The following LEMD3 variants were observed in gnomAD, a reference collection of about 807,000 sequenced individuals.
LEMD3 encodes the protein inner nuclear membrane protein Man1.
Under a neutral mutation model 95.2 loss-of-function variants are expected in LEMD3, and 33 were observed. The observed-to-expected ratio is 0.35, with a 90% CI of 0.26 to 0.46. The LOEUF is 0.46. Among genes scored for constraint, LEMD3 ranks in the 20% least tolerant of loss-of-function variants. The pLI, the probability that LEMD3 is intolerant of heterozygous loss-of-function variation, is 1.00. For missense variants in LEMD3, 1,210 were observed against 1,192.8 expected (o/e 1.01, Z -0.21); for synonymous variants, 525 against 474.6 (o/e 1.11, Z -1.38).
chr12:65,193,732 CTGTGTGTGTG>C (rs746675293), intron 1 of LEMD3, among the ~76,000 whole-genome samples: 102 of 129,432 alleles, frequency 7.9e-4, no homozygotes, highest in Non-Finnish European at 9.6e-4. Flanking sequence ...ACATAACTGG[CTGTGTGTGTG>C]TGTGTGTGTG....
chr12:65,182,479 T>C (rs1374470222), intron 1 of LEMD3, among the ~76,000 whole-genome samples: 3 of 152,182 alleles, frequency 2.0e-5, no homozygotes, highest in African/African-American at 7.2e-5. Flanking sequence ...GTAATGTTAA[T>C]AAGTAATAGA....
chr12:65,174,405 C>T (rs989073920), intron 1 of LEMD3, among the ~76,000 whole-genome samples: 2 of 152,042 alleles, frequency 1.3e-5, no homozygotes, highest in Admixed American at 1.3e-4. Context: ...TCATTATAGC[C>T]CACCAAACGA....
intron 4 of LEMD3, among the ~76,000 whole-genome samples, chr12:65,231,876 C>T (rs183191694): frequency 6.6e-6 from 1 of 151,736 alleles, no homozygotes; most frequent in Admixed American, 6.6e-5. Context: ...GTGTCTTTCC[C>T]TTGAAATTAT....
At chr12:65,228,433 T>A (rs1217508164) in intron 4 of LEMD3, among the ~76,000 whole-genome samples, 4 of 151,632 alleles carry the variant, frequency 2.6e-5, no homozygotes, top group Non-Finnish European at 5.9e-5. Flanking sequence ...TCTTGCTCTG[T>A]TGCCCAGGCT....
At chr12:65,204,771 A>C (rs1319442833) in intron 1 of LEMD3, among the ~76,000 whole-genome samples, 1 of 152,060 alleles carries the variant, frequency 6.6e-6, no homozygotes, top group Non-Finnish European at 1.5e-5. Flanking sequence ...TTTTCTCCAC[A>C]CCTCGCCAGA....
intron 1 of LEMD3, among the ~76,000 whole-genome samples, chr12:65,206,380 T>C (rs1869764858): frequency 6.6e-6 from 1 of 152,130 alleles, no homozygotes; most frequent in Non-Finnish European, 1.5e-5. Context: ...CTCCTGTCTG[T>C]AGAATTGCTG....
intron 1 of LEMD3, among the ~76,000 whole-genome samples, chr12:65,200,312 C>T (rs1354714952): frequency 6.6e-6 from 1 of 152,026 alleles, no homozygotes; most frequent in African/African-American, 2.4e-5. Context: ...ATTCTGTAAC[C>T]AGTGCTCTTG....
At position 65,238,822 on chromosome 12, in the gene LEMD3, G is replaced by C; in HGVS notation, c.1921+8G>C. Reference sequence around the variant, plus strand: ...TATTGTTGTTATGCTTAGGTAAGTTGTAAAGATAAGAAATGAGATAAATTG... The same window carrying C: ...TATTGTTGTTATGCTTAGGTAAGTTCTAAAGATAAGAAATGAGATAAATTG... On this transcript the variant is annotated splice_region_variant and intron_variant, in intron 6 of 12. Transcript: ENST00000308330. 6.2e-7 allele frequency: 1 copy of C among 1,613,834 alleles called. No homozygotes were observed. The highest frequency in any genetic ancestry group is 8.5e-7 in the Non-Finnish European group (1 of 1,179,818).
chr12:65,209,108 A>G (rs923806002), intron 1 of LEMD3, among the ~76,000 whole-genome samples: 1 of 152,134 alleles, frequency 6.6e-6, no homozygotes, highest in Admixed American at 6.6e-5. Flanking sequence ...TCAAGCACTA[A>G]CTATATATCT....
chr12:65,233,212 T>G (rs537626870), intron 4 of LEMD3, among the ~76,000 whole-genome samples: 61 of 152,304 alleles, frequency 4.0e-4, no homozygotes, highest in African/African-American at 1.4e-3. Context: ...ACCAAAGTAC[T>G]TGCTCTTTTC....
intron 4 of LEMD3, among the ~76,000 whole-genome samples, chr12:65,233,504 A>G (rs1870689581): frequency 6.6e-6 from 1 of 152,182 alleles, no homozygotes; most frequent in Non-Finnish European, 1.5e-5. Context: ...TTCTTACTGA[A>G]TCAGGAGTTA....
At chr12:65,177,822 AT>A (rs1417895839) in intron 1 of LEMD3, among the ~76,000 whole-genome samples, 4 of 151,614 alleles carry the variant, frequency 2.6e-5, no homozygotes, top group Non-Finnish European at 5.9e-5. Flanking sequence ...ATTTTGAAAA[AT>A]AGCTGTTGCT....
At chr12:65,189,226 A>G (rs895237040) in intron 1 of LEMD3, among the ~76,000 whole-genome samples, 1 of 152,154 alleles carries the variant, frequency 6.6e-6, no homozygotes, top group African/African-American at 2.4e-5. Flanking sequence ...GGTAACTGAA[A>G]CTGCAGAAAG....
At chr12:65,180,472 T>C (rs1868868394) in intron 1 of LEMD3, among the ~76,000 whole-genome samples, 1 of 151,638 alleles carries the variant, frequency 6.6e-6, no homozygotes, top group Non-Finnish European at 1.5e-5. Context: ...ATGTTTAATA[T>C]CATTATTTAA....
At position 65,243,457 on chromosome 12, in the gene LEMD3, T is replaced by G; in HGVS notation, c.2375T>G (p.Phe792Cys). Residue 792 changes from phenylalanine (F) to cysteine (C), a missense_variant, in exon 10 of 13, where the codon TTT becomes TGT. Coordinates refer to ENST00000308330, the MANE Select transcript of LEMD3 (RefSeq NM_014319.5). ...LTPCLKIRNMFDPVMEIGDQW... is the reference protein window; with the variant it reads ...LTPCLKIRNMCDPVMEIGDQW... ...CCGTGTCTAAAGATTCGGAATATGT[T>G]TGATCCCGTTATGTAAGTATTATGA... The G allele has an allele frequency of 6.3e-7, 1 of 1,581,012 alleles. No individual in the cohort carries two copies. Among genetic ancestry groups the G allele is most frequent in the African/African-American group, 1.3e-5 (1 of 74,400 alleles).
At chr12:65,212,256 A>G (rs1046578458) in intron 2 of LEMD3, among the ~76,000 whole-genome samples, 14 of 152,308 alleles carry the variant, frequency 9.2e-5, no homozygotes, top group Middle Eastern at 3.4e-3. Flanking sequence ...ACTGCCTCCC[A>G]CAACACGTGG....
Position 65,221,579 on chromosome 12 carries a change from C to G in LEMD3, c.1695+2960C>G, listed in dbSNP as rs1482229408. Among the ~76,000 whole-genome samples the G allele has an allele frequency of 2.0e-5, 3 of 152,006 alleles. No homozygotes were observed. In the East Asian group the frequency reaches 5.8e-4, roughly 29 times the overall value. ...GCTTTCTATGTATAAGATTATGTCACTTGCTAAGAGAGATAAATTTACTTC... is the reference window on the plus strand; with the variant it reads ...GCTTTCTATGTATAAGATTATGTCAGTTGCTAAGAGAGATAAATTTACTTC... On this transcript the variant is annotated intron_variant, in intron 4 of 12. Coordinates refer to ENST00000308330, the MANE Select transcript of LEMD3 (RefSeq NM_014319.5).
At chr12:65,181,157 C>T (rs1004379304) in intron 1 of LEMD3, among the ~76,000 whole-genome samples, 5 of 152,138 alleles carry the variant, frequency 3.3e-5, no homozygotes, top group African/African-American at 1.2e-4. Context: ...CTTGGGATAT[C>T]TACTTCTTCT....
At chr12:65,216,686 C>T (rs757586458) in intron 3 of LEMD3, among the ~76,000 whole-genome samples, 11 of 151,138 alleles carry the variant, frequency 7.3e-5, no homozygotes, top group Non-Finnish European at 1.3e-4. Flanking sequence ...TGTAAGCAGG[C>T]ATAAGAAAAG....
Sources: gnomAD v4.1 joint callset for allele counts (sites outside exome capture counted in the v4.1 genomes callset) on GRCh38, gnomAD v4.1.1 for gene constraint, MANE v1.5 for transcripts, NCBI Gene and HGNC (gene_info 2026-07-23, HGNC 2026-07-21) for gene names.